The following SI variants were observed in gnomAD, a reference collection of about 807,000 sequenced individuals.
SI encodes the protein sucrase-isomaltase, intestinal.
SI carries 235 observed loss-of-function variants against 253.3 expected under a neutral mutation model. The observed-to-expected ratio is 0.93, with a 90% confidence interval of 0.83 to 1.03. The LOEUF (loss-of-function observed/expected upper bound fraction) is 1.03, where lower values mean the gene tolerates loss of function less well. SI is among the 50% of genes least tolerant of loss of function. The probability of loss-of-function intolerance (pLI) is 0.00; values close to 1 mark genes in which losing one functional copy is unlikely to be tolerated. For synonymous variants in SI, 819 were observed against 712.0 expected (o/e 1.15, Z -2.39); for missense variants, 2,442 against 2,211.1 (o/e 1.10, Z -2.09).
chr3:165,021,126 G>A (rs1326504924), intron 27 of SI, 103 bp downstream of exon 27: 7 of 970,594 alleles, frequency 7.2e-6, no homozygotes, highest in Middle Eastern at 2.5e-4. Flanking sequence ...AAATTTTTTT[G>A]TGTGATGCTA....
At chr3:165,014,117 A>C (rs1718907828) in intron 33 of SI, among the ~76,000 whole-genome samples, 1 of 152,246 alleles carries the variant, frequency 6.6e-6, no homozygotes, top group Non-Finnish European at 1.5e-5. Context: ...ATGTTGATAC[A>C]GTACAATCAA....
At chr3:164,987,345 C>T in intron 44 of SI, 119 bp from the exon 45 acceptor site, 1 of 761,782 alleles carries the variant, frequency 1.3e-6, no homozygotes, top group Non-Finnish European at 2.3e-6. Flanking sequence ...TGCAAACTGA[C>T]TTAGACTAAG....
intron 9 of SI, among the ~76,000 whole-genome samples, chr3:165,061,533 AT>A (rs1003535885): frequency 2.6e-5 from 4 of 152,002 alleles, no homozygotes; most frequent in African/African-American, 9.7e-5. Flanking sequence ...CTAATTTAAA[AT>A]TTTTTATAGT....
intron 3 of SI, among the ~76,000 whole-genome samples, chr3:165,069,687 T>C (rs2108101901): frequency 6.6e-6 from 1 of 152,154 alleles, no homozygotes; most frequent in East Asian, 1.9e-4. Flanking sequence ...TCTTAACTAG[T>C]TTATGTGCCA....
chr3:165,056,458 T>C (rs1261514703), intron 12 of SI, among the ~76,000 whole-genome samples: 1 of 151,962 alleles, frequency 6.6e-6, no homozygotes, highest in Non-Finnish European at 1.5e-5. Flanking sequence ...TTCAGGTGAG[T>C]GATCACAGTA....
chr3:165,018,606 TAGTC>T (rs1187833034), intron 28 of SI, among the ~76,000 whole-genome samples: 14 of 150,954 alleles, frequency 9.3e-5, no homozygotes, highest in African/African-American at 2.9e-4. Context: ...ACTGTAATCA[TAGTC>T]AGATTTTATT....
chr3:164,989,175 G>A (rs6788498), intron 44 of SI, among the ~76,000 whole-genome samples: 7,644 of 150,252 alleles, frequency 0.051, 663 homozygotes, highest in African/African-American at 0.18. Context: ...ATGAAACTCC[G>A]TCTCTACTAA....
At chr3:164,995,774 T>A (rs1717980989) in intron 40 of SI, among the ~76,000 whole-genome samples, 1 of 151,840 alleles carries the variant, frequency 6.6e-6, no homozygotes, top group South Asian at 2.1e-4. Flanking sequence ...TAGTTTAATC[T>A]ATTTTCCCTT....
At chr3:165,023,982 A>T (rs1184558003) in intron 25 of SI, among the ~76,000 whole-genome samples, 5 of 151,380 alleles carry the variant, frequency 3.3e-5, no homozygotes, top group Non-Finnish European at 7.4e-5. Flanking sequence ...TTACATTTAC[A>T]CTCTAGAGAA....
rs777913110 is a variant in SI at position 165,037,927 on chromosome 3, T to C, written c.2399A>G (p.Gln800Arg). 2 of 1,610,186 alleles carry C rather than the reference T, an allele frequency of 1.2e-6. No homozygotes were observed. Among genetic ancestry groups the C allele is most frequent in the South Asian group, 2.2e-5 (2 of 90,880 alleles). ...TGCTGTTGTTGTTACATCTGGTTCT[T>C]GAATGGGGATGATATAACCTCCTCT... ...HLRGGYIIPIQEPDVTTTASR... is the reference protein window; with the variant it reads ...HLRGGYIIPIREPDVTTTASR... The change falls in exon 21 of 48, where the codon CAA (glutamine) becomes CGA (arginine). Residue 800 changes from glutamine (Q) to arginine (R), a missense_variant. Coordinates refer to ENST00000264382, the MANE Select transcript of SI (RefSeq NM_001041.4).
Position 165,022,960 on chromosome 3 carries a change from A to G in SI, c.3099+610T>C, listed in dbSNP as rs1711706524. ...CCTTACAGATACTCCACTTAGTCCT[A>G]TAATTTTTGATGATTTATTATTTGA... On this transcript the variant is annotated intron_variant, in intron 26 of 47. Coordinates refer to ENST00000264382, the MANE Select transcript of SI (RefSeq NM_001041.4). Among the ~76,000 whole-genome samples, 3 of 151,580 alleles carry G rather than the reference A, an allele frequency of 2.0e-5. 1 individual carries two copies. The South Asian group carries it at 6.2e-4, about 31-fold the overall frequency.
chr3:165,027,017 A>G (rs549285822), intron 25 of SI, among the ~76,000 whole-genome samples: 4 of 151,570 alleles, frequency 2.6e-5, no homozygotes, highest in African/African-American at 7.2e-5. Flanking sequence ...ACAAAAGACA[A>G]CTGAAACAAA....
chr3:164,982,144 G>C (rs1311140977), intron 47 of SI, 99 bp downstream of exon 47: 1 of 830,672 alleles, frequency 1.2e-6, no homozygotes, highest in Non-Finnish European at 1.9e-6. Context: ...TGTCATAATT[G>C]ACTCATAATT....
chr3:165,019,450 G>T, intron 28 of SI, 152 bp downstream of exon 28: 1 of 742,446 alleles, frequency 1.3e-6, no homozygotes, highest in African/African-American at 1.8e-5. Flanking sequence ...TTTTGGGTTT[G>T]TTTCTCAGAA....
chr3:165,062,594 T>A, intron 8 of SI, 111 bp from the exon 9 acceptor site: 1 of 636,584 alleles, frequency 1.6e-6, no homozygotes, highest in Non-Finnish European at 2.9e-6. Context: ...TTACAATATG[T>A]TTAAATAATT....
At chr3:165,052,231 G>A (rs1713468877) in intron 13 of SI, among the ~76,000 whole-genome samples, 1 of 152,074 alleles carries the variant, frequency 6.6e-6, no homozygotes, top group African/African-American at 2.4e-5. Flanking sequence ...AATGATTTAA[G>A]TGAAACTACA....
In SI at chr3:165,006,815, C is replaced by G; in HGVS notation, c.4406+1G>C. 6.2e-7 allele frequency: 1 copy of G among 1,611,710 alleles called. No individual in the cohort carries two copies. Among genetic ancestry groups the G allele is most frequent in the Non-Finnish European group, 8.5e-7 (1 of 1,178,260 alleles). On this transcript the variant is annotated splice_donor_variant, in intron 37 of 47. Transcript: ENST00000264382. LOFTEE classifies it high-confidence loss of function. ...AGAGGATAATTCAGAACATTGCTTA[C>G]TCATGAGTAGGTTTCATCTGTGACC...
intron 40 of SI, 118 bp from the exon 41 acceptor site, chr3:164,994,523 T>C: frequency 2.9e-6 from 3 of 1,041,382 alleles, no homozygotes; most frequent in Non-Finnish European, 4.4e-6. Flanking sequence ...TGTCATGTGC[T>C]ATGTACTTTC....
At chr3:165,040,900 T>C in intron 18 of SI, 40 bp downstream of exon 18, 1 of 1,518,820 alleles carries the variant, frequency 6.6e-7, no homozygotes, top group Non-Finnish European at 9.1e-7. Flanking sequence ...TTGAACATAC[T>C]TTAAAAGGTA....
Sources: gnomAD v4.1 joint callset for allele counts (sites outside exome capture counted in the v4.1 genomes callset) on GRCh38, gnomAD v4.1.1 for gene constraint, MANE v1.5 for transcripts, NCBI Gene and HGNC (gene_info 2026-07-23, HGNC 2026-07-21) for gene names.